Variants in EDNRB observed in about 807,000 individuals in gnomAD.
EDNRB encodes endothelin receptor type B.
Under a neutral mutation model 46.4 loss-of-function variants are expected in EDNRB, and 18 were observed. The ratio of observed to expected loss-of-function variants is 0.39; its 90% confidence interval spans 0.27 to 0.57. EDNRB has a LOEUF of 0.57. EDNRB is among the 20% of genes least tolerant of loss of function. The pLI, the probability that EDNRB is intolerant of heterozygous loss-of-function variation, is 0.61. For missense variants in EDNRB, 434 were observed against 537.5 expected (o/e 0.81, Z 1.90); for synonymous variants, 213 against 204.9 (o/e 1.04, Z -0.34).
Position 77,903,200 on chromosome 13 carries a change from G to T in EDNRB, c.757C>A (p.Arg253=), listed in dbSNP as rs104894390. 16 of 1,612,620 alleles carry T rather than the reference G, an allele frequency of 9.9e-6. No individual in the cohort carries two copies. The highest frequency in any genetic ancestry group is 2.2e-5 in the East Asian group (1 of 44,814). ...TGAACGGGATGAAGCAAGCAGATTC[G>T]CAGATAACTTCCTTTGTAGTCCATC... ...ITMDYKGSYL[R]ICLLHPVQKT... Residue 253 remains arginine (R), a synonymous_variant, in exon 3 of 7, where the codon CGA becomes AGA. Transcript: ENST00000646607.
At chr13:77,938,331 G>A (rs1234797546) in intron 1 of EDNRB, among the ~76,000 whole-genome samples, 1 of 151,932 alleles carries the variant, frequency 6.6e-6, no homozygotes, top group Non-Finnish European at 1.5e-5. Flanking sequence ...ATAAGGGATG[G>A]GGCACAGAGA....
intron 1 of EDNRB, among the ~76,000 whole-genome samples, chr13:77,952,042 G>T (rs1298620128): frequency 1.3e-5 from 2 of 152,100 alleles, no homozygotes; most frequent in Non-Finnish European, 2.9e-5. Context: ...ATCCCTTCAT[G>T]GTCACCAGAA....
intron 1 of EDNRB, among the ~76,000 whole-genome samples, chr13:77,943,933 T>C (rs1408782425): frequency 6.6e-6 from 1 of 151,986 alleles, no homozygotes; most frequent in Non-Finnish European, 1.5e-5. Flanking sequence ...TTGAAATAAA[T>C]TTGGGAGAGA....
intron 1 of EDNRB, among the ~76,000 whole-genome samples, chr13:77,936,958 T>G (rs923432092): frequency 6.6e-6 from 1 of 152,222 alleles, no homozygotes; most frequent in Non-Finnish European, 1.5e-5. Context: ...TTCCTATTAT[T>G]GTACACCTTG....
intron 1 of EDNRB, among the ~76,000 whole-genome samples, chr13:77,959,391 G>A (rs913157857): frequency 1.3e-5 from 2 of 152,312 alleles, no homozygotes; most frequent in East Asian, 1.9e-4. Flanking sequence ...AGCAATATTC[G>A]CTGTTCTGCA....
chr13:77,897,937 G>A lies in EDNRB; in HGVS notation c.*263C>T. 1.6e-6 allele frequency: 2 copies of A among 1,221,320 alleles called. No individual in the cohort carries two copies. Among genetic ancestry groups the A allele is most frequent in the East Asian group, 4.6e-5 (1 of 21,914 alleles). The allele number at this position is 1,221,320 out of a possible 1,614,324, so 75.7% of individuals were successfully genotyped here. On this transcript the variant is annotated 3_prime_UTR_variant, in exon 7 of 7. Coordinates refer to ENST00000646607, the MANE Select transcript of EDNRB (RefSeq NM_001122659.3). ...GTGTGAATATCCTGGAAGTTGTTAA[G>A]AGCTATGTTGAAGTGCTAACTGTAA...
At chr13:77,900,783 C>A in intron 4 of EDNRB, 129 bp from the exon 5 acceptor site, 1 of 1,344,182 alleles carries the variant, frequency 7.4e-7, no homozygotes, top group Non-Finnish European at 1.0e-6. Flanking sequence ...GGACACTGAG[C>A]TTTATATGGA....
intron 1 of EDNRB, among the ~76,000 whole-genome samples, chr13:77,964,262 C>T (rs1256184521): frequency 4.6e-5 from 7 of 152,176 alleles, no homozygotes; most frequent in Admixed American, 4.6e-4. Context: ...CCAGCCATCC[C>T]ATTACTGGGT....
chr13:77,974,777 G>A (rs1000023905), intron 1 of EDNRB, among the ~76,000 whole-genome samples: 8 of 152,108 alleles, frequency 5.3e-5, no homozygotes, highest in African/African-American at 1.7e-4. Flanking sequence ...TTTGAAACAA[G>A]GGACCTTTCC....
chr13:77,974,776 A>C (rs1456109689), intron 1 of EDNRB, among the ~76,000 whole-genome samples: 2 of 152,154 alleles, frequency 1.3e-5, no homozygotes, highest in African/African-American at 2.4e-5. Flanking sequence ...CTTTGAAACA[A>C]GGGACCTTTC....
intron 1 of EDNRB, among the ~76,000 whole-genome samples, chr13:77,958,653 C>T (rs764926950): frequency 2.0e-5 from 3 of 152,132 alleles, no homozygotes; most frequent in Middle Eastern, 3.2e-3. Flanking sequence ...GGATTACAGG[C>T]GTGAGCCACT....
intron 1 of EDNRB, among the ~76,000 whole-genome samples, chr13:77,972,968 G>A (rs1208981299): frequency 1.3e-5 from 2 of 152,084 alleles, no homozygotes; most frequent in African/African-American, 4.8e-5. Flanking sequence ...TCCTTCCCAG[G>A]CTGGCTCGAG....
intron 1 of EDNRB, among the ~76,000 whole-genome samples, chr13:77,912,928 T>G (rs1879643037): frequency 6.6e-6 from 1 of 152,168 alleles, no homozygotes; most frequent in Non-Finnish European, 1.5e-5. Flanking sequence ...CCTTACTTCT[T>G]GTGTTGCTAT....
At position 77,908,043 on chromosome 13, in the gene EDNRB, A is replaced by AAAAAAAGAG. The variant is rs4052535; in HGVS notation, c.484-4437_484-4436insCTCTTTTTT. On this transcript the variant is annotated intron_variant, in intron 1 of 6. Transcript: ENST00000646607. ...CTGCAAAAAAAAAAAAAAAAAAAAA[A>AAAAAAAGAG]AGAGAGAGAGAGCATTAACCTTTAT... Among the ~76,000 whole-genome samples the AAAAAAAGAG allele has an allele frequency of 2.4e-3, 174 of 72,464 alleles. 8 individuals carry two copies. The highest frequency in any genetic ancestry group is 3.2e-3 in the Non-Finnish European group (134 of 42,268). 47.5% of individuals were successfully genotyped at this position (72,464 alleles called of 152,430 possible). A position where few individuals can be genotyped will look rare whatever the true frequency, so the allele number is the denominator to read the frequency against.
At chr13:77,913,412 A>G (rs1438787229) in intron 1 of EDNRB, among the ~76,000 whole-genome samples, 1 of 152,134 alleles carries the variant, frequency 6.6e-6, no homozygotes, top group Non-Finnish European at 1.5e-5. Flanking sequence ...CCTAATTTCT[A>G]GCTCTCCATC....
intron 1 of EDNRB, among the ~76,000 whole-genome samples, chr13:77,954,770 G>A (rs1881188304): frequency 6.6e-6 from 1 of 152,096 alleles, no homozygotes; most frequent in Non-Finnish European, 1.5e-5. Context: ...GCCTCCCAAA[G>A]TGCTGGGATT....
Position 77,903,307 on chromosome 13 carries a change from C to A in EDNRB, c.650G>T (p.Trp217Leu), listed in dbSNP as rs1255586825. ...SRIKGIGVPK[W>L]TAVEIVLIWV... ...AATCAAAACAATTTCTACTGCTGTC[C>A]ATTTTGGAACCCCAATTCCTTTAAT... Residue 217 changes from tryptophan (W) to leucine (L), a missense_variant, in exon 3 of 7, where the codon TGG (tryptophan) becomes TTG (leucine). By Grantham distance (61) the Trp-to-Leu change is moderately conservative. Coordinates refer to ENST00000646607, the MANE Select transcript of EDNRB (RefSeq NM_001122659.3). 6.2e-7 allele frequency: 1 copy of A among 1,612,792 alleles called. No homozygotes were observed. Among genetic ancestry groups the A allele is most frequent in the East Asian group, 2.2e-5 (1 of 44,808 alleles).
At chr13:77,911,665 C>T (rs1444994545) in intron 1 of EDNRB, among the ~76,000 whole-genome samples, 1 of 151,910 alleles carries the variant, frequency 6.6e-6, no homozygotes, top group Non-Finnish European at 1.5e-5. Context: ...ACGCCTTCTC[C>T]TCTCTCTCTC....
chr13:77,926,893 T>C (rs992933477), intron 1 of EDNRB, among the ~76,000 whole-genome samples: 3 of 152,198 alleles, frequency 2.0e-5, no homozygotes, highest in Non-Finnish European at 4.4e-5. Context: ...AGACACTTCT[T>C]ACATGGTGGC....
Sources: gnomAD v4.1 joint callset for allele counts (sites outside exome capture counted in the v4.1 genomes callset) on GRCh38, gnomAD v4.1.1 for gene constraint, MANE v1.5 for transcripts, NCBI Gene and HGNC (gene_info 2026-07-23, HGNC 2026-07-21) for gene names.